Variants in FBXL17 observed in about 807,000 individuals in gnomAD.
FBXL17 encodes the protein F-box/LRR-repeat protein 17.
A neutral mutation model predicts 66.2 loss-of-function variants in FBXL17; 22 were observed. The observed-to-expected ratio is 0.33, with a 90% CI of 0.24 to 0.47. The LOEUF (loss-of-function observed/expected upper bound fraction) is 0.47, where lower values mean the gene tolerates loss of function less well. Ranked by LOEUF, FBXL17 falls within the 20% of genes least tolerant of loss-of-function variation. The pLI is 1.00. For synonymous variants in FBXL17, 474 were observed against 400.5 expected (o/e 1.18, Z -2.19); for missense variants, 878 against 948.2 (o/e 0.93, Z 0.97).
chr5:108,358,140 C>CTA (rs1561551209), intron 3 of FBXL17, among the ~76,000 whole-genome samples: 2 of 152,116 alleles, frequency 1.3e-5, no homozygotes, highest in Non-Finnish European at 2.9e-5. Context: ...AATAGTTTTA[C>CTA]TTCTTCCTTT....
chr5:108,165,811 A>C (rs573464748), intron 6 of FBXL17, among the ~76,000 whole-genome samples: 8 of 152,366 alleles, frequency 5.3e-5, no homozygotes, highest in African/African-American at 1.9e-4. Context: ...ACCAGTCACA[A>C]GTGGCAGTGT....
intron 5 of FBXL17, among the ~76,000 whole-genome samples, chr5:108,196,539 C>G (rs1464871430): frequency 6.6e-6 from 1 of 152,148 alleles, no homozygotes; most frequent in East Asian, 1.9e-4. Context: ...CCATGTCTTA[C>G]TCACTTTTGT....
intron 6 of FBXL17, among the ~76,000 whole-genome samples, chr5:108,156,991 A>C (rs1752019965): frequency 6.6e-6 from 1 of 151,836 alleles, no homozygotes; most frequent in Non-Finnish European, 1.5e-5. Context: ...ATTTCTAATC[A>C]TTCTTTAAAT....
intron 4 of FBXL17, among the ~76,000 whole-genome samples, chr5:108,273,898 T>C (rs1244126616): frequency 6.6e-6 from 1 of 152,044 alleles, no homozygotes; most frequent in Non-Finnish European, 1.5e-5. Flanking sequence ...ACAGATACAG[T>C]GATCATTAAA....
intron 6 of FBXL17, among the ~76,000 whole-genome samples, chr5:108,050,753 G>C (rs919962873): frequency 6.6e-6 from 1 of 151,928 alleles, no homozygotes; most frequent in Non-Finnish European, 1.5e-5. Flanking sequence ...CCCAAAAAAT[G>C]AATGAATCCA....
intron 5 of FBXL17, among the ~76,000 whole-genome samples, chr5:108,200,836 C>T (rs1753862974): frequency 6.6e-6 from 1 of 152,122 alleles, no homozygotes; most frequent in Admixed American, 6.6e-5. Context: ...GCCTGTAATA[C>T]GTCTGGGCTA....
At chr5:108,224,829 T>C (rs1755031528) in intron 4 of FBXL17, among the ~76,000 whole-genome samples, 1 of 152,112 alleles carries the variant, frequency 6.6e-6, no homozygotes, top group Non-Finnish European at 1.5e-5. Flanking sequence ...GGTTTCACCA[T>C]GTTGGCCAGG....
At chr5:108,108,955 A>G (rs932755889) in intron 6 of FBXL17, among the ~76,000 whole-genome samples, 28 of 151,740 alleles carry the variant, frequency 1.8e-4, no homozygotes, top group African/African-American at 6.3e-4. Context: ...AGCTAATTTC[A>G]TATTTTTTAG....
chr5:108,321,538 G>A lies in FBXL17; in HGVS notation c.1506+26861C>T, dbSNP rs1580812195. 5.9e-5 allele frequency among the ~76,000 whole-genome samples: 9 copies of A among 151,894 alleles called. No individual in the cohort carries two copies. The South Asian group carries it at 1.9e-3, about 32-fold the overall frequency. ...TCTCTTAAAGAATCTGCACACTATT[G>A]TCCTGAACATGCTCCAATGTCCCTG... On this transcript the variant is annotated intron_variant, in intron 4 of 8. Transcript: ENST00000542267.
intron 7 of FBXL17, among the ~76,000 whole-genome samples, chr5:108,005,273 C>CA (rs1476159115): frequency 6.6e-6 from 1 of 152,090 alleles, no homozygotes; most frequent in East Asian, 1.9e-4. Flanking sequence ...CGTAAAGTAT[C>CA]AGAGTCCCAG....
intron 4 of FBXL17, among the ~76,000 whole-genome samples, chr5:108,332,800 G>A (rs1364559234): frequency 1.3e-5 from 2 of 151,938 alleles, no homozygotes; most frequent in African/African-American, 4.8e-5. Context: ...TAGAGATGGA[G>A]TTTCGCCATG....
At chr5:108,360,907 C>T (rs940034318) in intron 3 of FBXL17, among the ~76,000 whole-genome samples, 5 of 152,086 alleles carry the variant, frequency 3.3e-5, no homozygotes, top group African/African-American at 1.2e-4. Flanking sequence ...TTCTTAGCTC[C>T]AGAATTTCTA....
chr5:108,325,776 T>C (rs1344049788), intron 4 of FBXL17, among the ~76,000 whole-genome samples: 1 of 152,014 alleles, frequency 6.6e-6, no homozygotes, highest in Non-Finnish European at 1.5e-5. Flanking sequence ...AGCGTTAGGA[T>C]TAGAGTCAGA....
At position 107,940,020 on chromosome 5, in the gene FBXL17, T is replaced by C. The variant is rs368927319; in HGVS notation, c.1823-58841A>G. Among the ~76,000 whole-genome samples the C allele has an allele frequency of 1.2e-4, 18 of 152,296 alleles. No individual in the cohort carries two copies. In the East Asian group the frequency reaches 3.3e-3, roughly 28 times the overall value. ...TTAGTGCTTAATGTGTTAAACAGTA[T>C]ACTAGCCACTCTGACTAGCATCTCA... On this transcript the variant is annotated intron_variant, in intron 7 of 8. Transcript: ENST00000542267.
chr5:108,359,328 T>C (rs1476370180), intron 3 of FBXL17, among the ~76,000 whole-genome samples: 1 of 152,144 alleles, frequency 6.6e-6, no homozygotes, highest in Middle Eastern at 3.2e-3. Context: ...GTCTGGTTAT[T>C]ATTTCCTTCC....
At chr5:108,074,599 C>G (rs1465894680) in intron 6 of FBXL17, among the ~76,000 whole-genome samples, 1 of 152,180 alleles carries the variant, frequency 6.6e-6, no homozygotes, top group Non-Finnish European at 1.5e-5. Context: ...CAGAGGACGT[C>G]TAATGACTCA....
intron 7 of FBXL17, among the ~76,000 whole-genome samples, chr5:107,892,224 C>G (rs1385011805): frequency 1.3e-5 from 2 of 152,088 alleles, no homozygotes; most frequent in East Asian, 3.9e-4. Flanking sequence ...ATAACTCAAA[C>G]CAATATAAGC....
Position 108,005,392 on chromosome 5 carries a change from A to T in FBXL17, c.1822+15533T>A, listed in dbSNP as rs376263009. 1.3e-4 allele frequency among the ~76,000 whole-genome samples: 20 copies of T among 152,180 alleles called. No individual in the cohort carries two copies. The East Asian group carries it at 1.5e-3, about 12-fold the overall frequency. ...TCTGTCTCAATTTTAGGAGTATAAT[A>T]AATGTTCTCTTAAAAAGCATGCTGG... On this transcript the variant is annotated intron_variant, in intron 7 of 8. Transcript: ENST00000542267.
chr5:107,923,735 A>C (rs188609222), intron 7 of FBXL17, among the ~76,000 whole-genome samples: 1 of 152,214 alleles, frequency 6.6e-6, no homozygotes, highest in Admixed American at 6.6e-5. Context: ...TTTCAAGGGC[A>C]CAGGATTCTT....
Sources: gnomAD v4.1 joint callset for allele counts (sites outside exome capture counted in the v4.1 genomes callset) on GRCh38, gnomAD v4.1.1 for gene constraint, MANE v1.5 for transcripts, NCBI Gene and HGNC (gene_info 2026-07-23, HGNC 2026-07-21) for gene names.